Variants in RBFOX1 observed in about 807,000 individuals in gnomAD.
RBFOX1 encodes RNA binding fox-1 homolog 1, also known as RNA binding protein fox-1 homolog 1.
A neutral mutation model predicts 57.7 loss-of-function variants in RBFOX1; 8 were observed. The observed-to-expected ratio is 0.14, with a 90% CI of 0.08 to 0.25. The LOEUF (loss-of-function observed/expected upper bound fraction) is 0.25, where lower values mean the gene tolerates loss of function less well. Ranked by LOEUF, RBFOX1 falls within the 10% of genes least tolerant of loss-of-function variation. The pLI is 1.00. For synonymous variants in RBFOX1, 326 were observed against 222.4 expected, an observed-to-expected ratio of 1.47 and a Z score of -4.15; for missense variants, 611 against 548.5, an observed-to-expected ratio of 1.11 and a Z score of -1.14.
chr16:5,957,573 C>A (rs375894881), intron 4 of RBFOX1, among the ~76,000 whole-genome samples: 2 of 152,140 alleles, frequency 1.3e-5, no homozygotes, highest in Non-Finnish European at 2.9e-5. Flanking sequence ...AGCAGCTGAT[C>A]CTTCATATGT....
chr16:5,967,845 C>T (rs193060107), intron 4 of RBFOX1, among the ~76,000 whole-genome samples: 38 of 152,246 alleles, frequency 2.5e-4, no homozygotes, highest in Admixed American at 8.5e-4. Context: ...TATCTGAAAG[C>T]AGGGGTATTT....
intron 3 of RBFOX1, among the ~76,000 whole-genome samples, chr16:7,002,724 C>G (rs55768701): frequency 0.24 from 36,092 of 151,810 alleles, 4,813 homozygotes; most frequent in Middle Eastern, 0.37. Flanking sequence ...AACAAAGAAA[C>G]AAACAAAAAA....
chr16:7,521,176 C>T (rs548794956), intron 5 of RBFOX1, among the ~76,000 whole-genome samples: 1 of 152,274 alleles, frequency 6.6e-6, no homozygotes, highest in African/African-American at 2.4e-5. Flanking sequence ...GGGAATACCA[C>T]AGTCAGAGGT....
chr16:6,292,933 C>G (rs542936731), intron 1 of RBFOX1, among the ~76,000 whole-genome samples: 1 of 152,160 alleles, frequency 6.6e-6, no homozygotes, highest in Non-Finnish European at 1.5e-5. Context: ...CCTGTTTCAA[C>G]CTTAAGTACA....
At chr16:5,711,432 G>A (rs950230317) in intron 3 of RBFOX1, among the ~76,000 whole-genome samples, 3 of 152,198 alleles carry the variant, frequency 2.0e-5, no homozygotes, top group African/African-American at 7.2e-5. Context: ...TTTCAGCTGA[G>A]AAAATACACT....
rs953784100 is a variant in RBFOX1, at chr16:6,002,580, A to C, written c.351+135245A>C. ...GAAGTGAATCCATAATTGAGAGAAG[A>C]GAACTCCATAATTGAGAGAAGAGAA... On this transcript the variant is annotated intron_variant, in intron 4 of 19. Transcript: ENST00000641259. 1.1e-4 allele frequency among the ~76,000 whole-genome samples: 17 copies of C among 152,196 alleles called. 1 individual carries two copies. The highest frequency in any genetic ancestry group is 7.2e-4 in the Admixed American group (11 of 15,286).
intron 4 of RBFOX1, among the ~76,000 whole-genome samples, chr16:5,955,331 TA>T (rs1267081674): frequency 0.26 from 11,919 of 45,430 alleles, 1,694 homozygotes; most frequent in Admixed American, 0.38. Context: ...TAAAATAAAA[TA>T]AAATAAAATA....
intron 1 of RBFOX1, among the ~76,000 whole-genome samples, chr16:6,104,699 C>G (rs1039813668): frequency 2.0e-5 from 3 of 152,062 alleles, no homozygotes; most frequent in East Asian, 1.9e-4. Context: ...TTGCTATATT[C>G]AAATACTGTA....
At chr16:5,596,850 A>G (rs1302186694) in intron 2 of RBFOX1, among the ~76,000 whole-genome samples, 1 of 151,924 alleles carries the variant, frequency 6.6e-6, no homozygotes, top group East Asian at 1.9e-4. Flanking sequence ...TACTTTAGAC[A>G]GTCGCTGGAA....
chr16:6,866,401 C>G (rs926863804), intron 3 of RBFOX1, among the ~76,000 whole-genome samples: 3 of 151,946 alleles, frequency 2.0e-5, no homozygotes, highest in Admixed American at 6.6e-5. Flanking sequence ...AAAATCAAAC[C>G]TTATCCATCA....
chr16:7,319,450 G>A (rs1484203455), intron 4 of RBFOX1, among the ~76,000 whole-genome samples: 1 of 152,198 alleles, frequency 6.6e-6, no homozygotes, highest in East Asian at 1.9e-4. Context: ...AAGAAGACGT[G>A]GAGGGTGGTA....
chr16:7,234,638 ATG>A (rs984937657), intron 4 of RBFOX1, among the ~76,000 whole-genome samples: 14 of 148,366 alleles, frequency 9.4e-5, no homozygotes, highest in East Asian at 2.0e-4. Context: ...GCTTGTGTAT[ATG>A]TGTGTGTTTG....
At chr16:5,770,360 C>T (rs1284249960) in intron 3 of RBFOX1, among the ~76,000 whole-genome samples, 1 of 152,198 alleles carries the variant, frequency 6.6e-6, no homozygotes, top group African/African-American at 2.4e-5. Flanking sequence ...CCGTTCCCAT[C>T]AGTGACATAA....
At chr16:7,564,934 G>A (rs1049981350) in intron 5 of RBFOX1, among the ~76,000 whole-genome samples, 1 of 152,178 alleles carries the variant, frequency 6.6e-6, no homozygotes, top group African/African-American at 2.4e-5. Flanking sequence ...GAAATGTGAT[G>A]TATTTCTTAA....
intron 1 of RBFOX1, among the ~76,000 whole-genome samples, chr16:5,461,663 G>T (rs748851175): frequency 6.6e-6 from 1 of 152,126 alleles, no homozygotes; most frequent in Non-Finnish European, 1.5e-5. Context: ...CTCAAAAATA[G>T]ACCTGGTGGC....
At chr16:7,633,385 G>A (rs1006805704) in intron 11 of RBFOX1, among the ~76,000 whole-genome samples, 5 of 152,124 alleles carry the variant, frequency 3.3e-5, no homozygotes, top group Admixed American at 6.5e-5. Flanking sequence ...TGTATCAGTC[G>A]TATTACCTGC....
At chr16:5,542,244 ATTTT>A (rs5815254) in intron 2 of RBFOX1, among the ~76,000 whole-genome samples, 36,905 of 121,524 alleles carry the variant, frequency 0.3, 4,120 homozygotes, top group Non-Finnish European at 0.37. Flanking sequence ...ACAGGTATTG[ATTTT>A]TTTTTTTTTT....
chr16:7,516,199 A>G (rs943188954), intron 4 of RBFOX1, among the ~76,000 whole-genome samples: 3 of 152,028 alleles, frequency 2.0e-5, no homozygotes, highest in African/African-American at 4.8e-5. Context: ...GCTGCCCATC[A>G]CCGTGGAAAG....
At chr16:6,021,158 A>C (rs966930068) in intron 1 of RBFOX1, among the ~76,000 whole-genome samples, 1 of 152,216 alleles carries the variant, frequency 6.6e-6, no homozygotes, top group Non-Finnish European at 1.5e-5. Context: ...TGTTGAGTTG[A>C]AACATCATGT....
Sources: gnomAD v4.1 joint callset for allele counts (sites outside exome capture counted in the v4.1 genomes callset) on GRCh38, gnomAD v4.1.1 for gene constraint, MANE v1.5 for transcripts, NCBI Gene and HGNC (gene_info 2026-07-23, HGNC 2026-07-21) for gene names.